The following F5 variants were observed in gnomAD, a reference collection of about 807,000 sequenced individuals.
F5 encodes the protein activated protein c cofactor.
Under a neutral mutation model 216.4 loss-of-function variants are expected in F5, and 138 were observed. That is an observed-to-expected ratio of 0.64 (90% CI 0.56 to 0.73). The LOEUF (loss-of-function observed/expected upper bound fraction) is 0.73, where lower values mean the gene tolerates loss of function less well. Ranked by LOEUF, F5 falls within the 30% of genes least tolerant of loss-of-function variation. The probability of loss-of-function intolerance (pLI) is 0.00; values close to 1 mark genes in which losing one functional copy is unlikely to be tolerated. For synonymous variants in F5, 916 were observed against 930.7 expected (o/e 0.98, Z 0.29); for missense variants, 2,403 against 2,674.0 (o/e 0.90, Z 2.24).
chr1:169,534,378 A>C (rs1121789), intron 14 of F5, among the ~76,000 whole-genome samples: 38,144 of 152,104 alleles, frequency 0.25, 4,940 homozygotes, highest in Admixed American at 0.34. Flanking sequence ...AAAGAAAATA[A>C]ATTGTTCAGC....
intron 13 of F5, among the ~76,000 whole-genome samples, chr1:169,538,146 T>C (rs558346178): frequency 1.3e-5 from 2 of 152,154 alleles, no homozygotes; most frequent in African/African-American, 4.8e-5. Context: ...CTATTTAGCA[T>C]TTAAAAAAAA....
At chr1:169,581,078 C>T (rs905624547) in intron 2 of F5, among the ~76,000 whole-genome samples, 3 of 152,026 alleles carry the variant, frequency 2.0e-5, no homozygotes, top group South Asian at 2.1e-4. Flanking sequence ...GTAGTGAAAG[C>T]CTTGGTTTTG....
At position 169,514,460 on chromosome 1, in the gene F5, C is replaced by A. The variant is rs547102775; in HGVS notation, c.6529-1G>T. 2.5e-6 allele frequency: 4 copies of A among 1,612,614 alleles called. No individual in the cohort carries two copies. The African/African-American group carries it at 5.3e-5, about 22-fold the overall frequency. ...TGGTATTAGTATTTCCTTCAAAAAT[C>A]TGAAAGCCAAATAAGAGAAAATCTT... is the stretch of plus-strand genomic sequence containing the variant. On this transcript the variant is annotated splice_acceptor_variant, in intron 24 of 24. Coordinates refer to ENST00000367797, the MANE Select transcript of F5 (RefSeq NM_000130.5). LOFTEE classifies it high-confidence loss of function.
chr1:169,521,713 C>T (rs1006829562), intron 21 of F5, among the ~76,000 whole-genome samples: 14 of 148,502 alleles, frequency 9.4e-5, no homozygotes, highest in Admixed American at 2.7e-4. Context: ...CTCTGCCTTC[C>T]GGATTCAAGC....
intron 14 of F5, among the ~76,000 whole-genome samples, chr1:169,535,994 G>T (rs1571569558): frequency 1.3e-5 from 2 of 152,280 alleles, no homozygotes; most frequent in Admixed American, 1.3e-4. Flanking sequence ...CTGGACACAA[G>T]ATTTTGAAAG....
At chr1:169,553,324 T>C (rs1461387857) in intron 7 of F5, among the ~76,000 whole-genome samples, 1 of 152,178 alleles carries the variant, frequency 6.6e-6, no homozygotes. Context: ...CTGCCCTCTT[T>C]ATTACCTTAG....
chr1:169,574,540 G>A (rs924093746), intron 2 of F5, among the ~76,000 whole-genome samples: 4 of 152,192 alleles, frequency 2.6e-5, no homozygotes, highest in African/African-American at 7.2e-5. Flanking sequence ...GGAAGTCACG[G>A]CACTCATGGA....
Position 169,530,855 on chromosome 1 carries a change from AG to A in F5, c.5138del (p.Thr1713MetfsTer22), listed in dbSNP as rs1659580084. ...NSSYTYVWHA[T>X]ERSGPESPGS... ...CAGGACTTTCTGGCCCTGATCGCTCAGTGGCATGCCATACGTAGGTATAACT... is the reference window on the plus strand; with the variant it reads ...CAGGACTTTCTGGCCCTGATCGCTCATGGCATGCCATACGTAGGTATAACT... On this transcript the variant is annotated frameshift_variant, in exon 15 of 25. Transcript: ENST00000367797. LOFTEE classifies it high-confidence loss of function. The A allele has an allele frequency of 6.2e-7, 1 of 1,613,870 alleles. No homozygotes were observed. The highest frequency in any genetic ancestry group is 1.3e-5 in the African/African-American group (1 of 74,938).
Position 169,529,799 on chromosome 1 carries a change from C to A in F5, c.5228G>T (p.Gly1743Val), listed in dbSNP as rs1419944628. 1 of 1,613,304 alleles carries A rather than the reference C, an allele frequency of 6.2e-7. No homozygotes were observed. Among genetic ancestry groups the A allele is most frequent in the African/African-American group, 1.3e-5 (1 of 74,842 alleles). The change falls in exon 16 of 25, where the codon GGC (glycine) becomes GTC (valine). Residue 1743 changes from glycine to valine, a missense_variant. Physicochemically the swap from Gly to Val is moderately radical, Grantham distance 109. Around this residue, in one of 4 missense-constraint regions of F5, gnomAD observed 659 missense variants for 787.9 expected, o/e 0.84. Transcript: ENST00000367797. The stretch of plus-strand genomic sequence containing the variant: ...GCAGATTAGGAGGGGACCTATCAAG[C>A]CTGAGTGAATATCTTTTTCCTGGAA... ...AVNPEKDIHS[G>V]LIGPLLICQK...
chr1:169,560,089 CAA>C (rs1660434492), intron 4 of F5, among the ~76,000 whole-genome samples: 1 of 152,076 alleles, frequency 6.6e-6, no homozygotes, highest in Non-Finnish European at 1.5e-5. Flanking sequence ...ACCTACCACC[CAA>C]AGTTTTCAAC....
chr1:169,584,971 A>G (rs1661070521), intron 1 of F5, among the ~76,000 whole-genome samples: 2 of 152,098 alleles, frequency 1.3e-5, no homozygotes, highest in African/African-American at 4.8e-5. Context: ...GTTATTTTCA[A>G]CGCTAACTAC....
In F5 at chr1:169,536,657, T is replaced by G. The variant is rs1659712005; in HGVS notation, c.4820A>C (p.Asp1607Ala). 1.2e-6 allele frequency: 2 copies of G among 1,611,820 alleles called. No homozygotes were observed. Among genetic ancestry groups the G allele is most frequent in the Non-Finnish European group, 1.7e-6 (2 of 1,178,040 alleles). The change falls in exon 14 of 25, where the codon GAT becomes GCT. Residue 1607 changes from aspartate (D) to alanine (A), a missense_variant. Coordinates refer to ENST00000367797, the MANE Select transcript of F5 (RefSeq NM_000130.5). ...VQRETDIEDS[D>A]DIPEDTTYKK... ...ATATGTGGTATCTTCTGGAATATCA[T>G]CAGAGTCTTCAATATCTGTTTCCCT...
chr1:169,525,239 G>C (rs533072052), intron 18 of F5, among the ~76,000 whole-genome samples: 113 of 152,206 alleles, frequency 7.4e-4, no homozygotes, highest in Non-Finnish European at 1.3e-3. Context: ...GCTCATGCCT[G>C]TAATCCTAGC....
chr1:169,540,941 G>A lies in F5; in HGVS notation c.4149C>T (p.Asn1383=). ...GCATCTCACTGAGGTCTGGGGAAAG[G>A]TTTGTCTGACTGAGTTCTGGAGAGA... The part of the protein sequence containing the change: ...TNLSPELSQT[N]LSPDLSEMPL... The change falls in exon 13 of 25, where the codon AAC becomes AAT. Residue 1383 remains asparagine, a synonymous_variant. Coordinates refer to ENST00000367797, the MANE Select transcript of F5 (RefSeq NM_000130.5). 6.2e-7 allele frequency: 1 copy of A among 1,614,132 alleles called. No homozygotes were observed. The highest frequency in any genetic ancestry group is 8.5e-7 in the Non-Finnish European group (1 of 1,179,998).
chr1:169,559,676 T>A (rs941655034), intron 4 of F5, among the ~76,000 whole-genome samples: 1 of 152,156 alleles, frequency 6.6e-6, no homozygotes, highest in African/African-American at 2.4e-5. Context: ...TCATCTTATT[T>A]GTATATGAAA....
At chr1:169,550,298 C>CCA (rs1239186480) in intron 9 of F5, among the ~76,000 whole-genome samples, 13 of 134,508 alleles carry the variant, frequency 9.7e-5, no homozygotes, top group Middle Eastern at 7.4e-3. Flanking sequence ...ACCCCCCCCC[C>CCA]CCGACAGGCC....
chr1:169,584,715 A>T (rs1245613337), intron 1 of F5, among the ~76,000 whole-genome samples: 1 of 152,226 alleles, frequency 6.6e-6, no homozygotes, highest in African/African-American at 2.4e-5. Context: ...AGATATATGG[A>T]TTAGATTTTT....
chr1:169,524,979 T>C, intron 18 of F5, 71 bp from the exon 19 acceptor site: 1 of 1,188,246 alleles, frequency 8.4e-7, no homozygotes, highest in Non-Finnish European at 1.2e-6. Flanking sequence ...AACTCCATGG[T>C]TAGGGATTAT....
chr1:169,526,760 G>T (rs1157796868), intron 17 of F5, among the ~76,000 whole-genome samples: 4 of 152,040 alleles, frequency 2.6e-5, no homozygotes, highest in Non-Finnish European at 4.4e-5. Flanking sequence ...CAGTCTGTCT[G>T]CAGGCTGATA....
Sources: allele counts gnomAD v4.1 joint callset (sites outside exome capture counted in the v4.1 genomes callset), GRCh38; gene constraint gnomAD v4.1.1; regional missense constraint gnomAD v4.1.1; transcripts MANE v1.5; gene names NCBI Gene and HGNC (gene_info 2026-07-23, HGNC 2026-07-21).